Variants in CPQ observed in about 807,000 individuals in gnomAD.
The protein encoded by CPQ is carboxypeptidase Q.
CPQ carries 37 observed loss-of-function variants against 45.7 expected under a neutral mutation model. That is an observed-to-expected ratio of 0.81 (90% CI 0.62 to 1.07). CPQ has a LOEUF of 1.07. Among genes scored for constraint, CPQ ranks in the 50% least tolerant of loss-of-function variants. The probability of loss-of-function intolerance (pLI) is 0.00; values close to 1 mark genes in which losing one functional copy is unlikely to be tolerated. For synonymous variants in CPQ, 186 were observed against 205.8 expected (o/e 0.90, Z 0.82); for missense variants, 537 against 572.9 (o/e 0.94, Z 0.64).
intron 6 of CPQ, among the ~76,000 whole-genome samples, chr8:97,059,616 A>G (rs898338981): frequency 1.3e-5 from 2 of 152,286 alleles, no homozygotes; most frequent in South Asian, 4.1e-4. Context: ...TTCTTTACCT[A>G]TCATCCAATC....
intron 7 of CPQ, among the ~76,000 whole-genome samples, chr8:97,069,739 T>C (rs1055144763): frequency 4.6e-5 from 7 of 152,076 alleles, no homozygotes; most frequent in African/African-American, 1.7e-4. Flanking sequence ...TTTTCTTTCT[T>C]TTTTTCTTTC....
chr8:96,945,182 C>G (rs549602692), intron 4 of CPQ, among the ~76,000 whole-genome samples: 3 of 152,188 alleles, frequency 2.0e-5, no homozygotes, highest in Non-Finnish European at 4.4e-5. Flanking sequence ...GCCATGGGCC[C>G]TGCTCTCCTG....
chr8:96,966,120 T>A, intron 5 of CPQ, 74 bp downstream of exon 5: 1 of 1,033,808 alleles, frequency 9.7e-7, no homozygotes, highest in Non-Finnish European at 1.5e-6. Context: ...ACAAAATACT[T>A]AACAGATTAG....
rs141157046 is a variant in CPQ at position 96,867,753 on chromosome 8, CA to C, written c.642-12044del. ...ACATGTTTTAATCACTTTCTTGTGG[CA>C]TTAAATATTCTTCAAAATATGTTTT... On this transcript the variant is annotated intron_variant, in intron 3 of 7. Transcript: ENST00000220763. Among the ~76,000 whole-genome samples the C allele has an allele frequency of 3.3e-4, 50 of 152,100 alleles. No individual in the cohort carries two copies. In the East Asian group the frequency reaches 8.9e-3, roughly 27 times the overall value.
intron 6 of CPQ, among the ~76,000 whole-genome samples, chr8:97,050,823 C>A (rs1382987949): frequency 6.6e-6 from 1 of 152,122 alleles, no homozygotes; most frequent in East Asian, 1.9e-4. Flanking sequence ...AGTTTCCTGG[C>A]CTACATAGCA....
intron 1 of CPQ, among the ~76,000 whole-genome samples, chr8:96,654,926 C>T (rs1226772581): frequency 6.7e-6 from 1 of 148,742 alleles, no homozygotes; most frequent in African/African-American, 2.5e-5. Context: ...AATAAATGTC[C>T]TTTGTGGCTT....
intron 2 of CPQ, among the ~76,000 whole-genome samples, chr8:96,805,694 G>A (rs530333576): frequency 2.6e-5 from 4 of 151,832 alleles, no homozygotes; most frequent in South Asian, 4.2e-4. Context: ...AATAATAATC[G>A]CTGAGTCAGA....
chr8:96,749,183 T>C (rs2130784410), intron 1 of CPQ, among the ~76,000 whole-genome samples: 1 of 152,356 alleles, frequency 6.6e-6, no homozygotes, highest in East Asian at 1.9e-4. Context: ...GACTAAGATA[T>C]TTGTTCCTTA....
chr8:97,041,107 TA>T (rs1322614619), intron 6 of CPQ, among the ~76,000 whole-genome samples: 2 of 152,392 alleles, frequency 1.3e-5, no homozygotes, highest in East Asian at 3.9e-4. Flanking sequence ...TGATTCTTCC[TA>T]CCCATGAGCA....
At chr8:97,099,115 CTTTTTTTTTTT>C (rs34830752) in intron 7 of CPQ, among the ~76,000 whole-genome samples, 3 of 66,316 alleles carry the variant, frequency 4.5e-5, no homozygotes, top group African/African-American at 6.2e-5. Flanking sequence ...CCTTCTCTCT[CTTTTTTTTTTT>C]TTTTTTTTTT....
At chr8:96,720,315 G>A (rs1809745929) in intron 1 of CPQ, among the ~76,000 whole-genome samples, 1 of 151,816 alleles carries the variant, frequency 6.6e-6, no homozygotes, top group Non-Finnish European at 1.5e-5. Context: ...TTTTCTTTGT[G>A]GATCTAGTCA....
intron 6 of CPQ, among the ~76,000 whole-genome samples, chr8:97,044,383 G>T (rs549941051): frequency 2.0e-5 from 3 of 152,008 alleles, no homozygotes; most frequent in East Asian, 1.9e-4. Flanking sequence ...TTATACATTC[G>T]TCTAAATTTT....
chr8:97,073,906 TC>T (rs372123300), intron 7 of CPQ, among the ~76,000 whole-genome samples: 42 of 152,322 alleles, frequency 2.8e-4, no homozygotes, highest in Admixed American at 5.9e-4. Flanking sequence ...GTGTATGACA[TC>T]CTCATCAATA....
At chr8:96,992,156 G>A (rs1021591866) in intron 5 of CPQ, among the ~76,000 whole-genome samples, 6 of 152,164 alleles carry the variant, frequency 3.9e-5, no homozygotes, top group African/African-American at 1.4e-4. Flanking sequence ...GGTTTTTGAT[G>A]TATGAGTATT....
At chr8:96,806,858 G>T (rs1369563750) in intron 2 of CPQ, among the ~76,000 whole-genome samples, 1 of 152,080 alleles carries the variant, frequency 6.6e-6, no homozygotes, top group Admixed American at 6.5e-5. Context: ...GTTAAAAAAT[G>T]ACAGCAAAAA....
Position 96,865,350 on chromosome 8 carries a change from A to G in CPQ, c.642-14448A>G, listed in dbSNP as rs571860207. Among the ~76,000 whole-genome samples, 711 of 152,086 alleles carry G rather than the reference A, an allele frequency of 4.7e-3. 7 individuals carry two copies. The highest frequency in any genetic ancestry group is 0.016 in the African/African-American group (679 of 41,512). Reference sequence around the variant, plus strand: ...GAGAGGCGGGTGTTGAGATTAAACCACCACAGTGGGCTGTCTCTGTCTTAG... The same window carrying G: ...GAGAGGCGGGTGTTGAGATTAAACCGCCACAGTGGGCTGTCTCTGTCTTAG... On this transcript the variant is annotated intron_variant, in intron 3 of 7. Transcript: ENST00000220763.
intron 5 of CPQ, among the ~76,000 whole-genome samples, chr8:96,988,136 T>C (rs1352365156): frequency 6.6e-6 from 1 of 152,248 alleles, no homozygotes; most frequent in Non-Finnish European, 1.5e-5. Context: ...AGTTTTCTTA[T>C]GTTTATCTGT....
chr8:96,726,887 C>T (rs891170364), intron 1 of CPQ, among the ~76,000 whole-genome samples: 1 of 151,196 alleles, frequency 6.6e-6, no homozygotes, highest in Admixed American at 6.6e-5. Flanking sequence ...CAGATGTGAC[C>T]TCTTGACTTT....
chr8:96,663,762 TTGTGTGTG>T (rs1347156461), intron 1 of CPQ, among the ~76,000 whole-genome samples: 1 of 151,668 alleles, frequency 6.6e-6, no homozygotes, highest in Non-Finnish European at 1.5e-5. Context: ...AGGTGTGTGT[TTGTGTGTG>T]TGTGTGTCAT....
Sources: allele counts gnomAD v4.1 joint callset (sites outside exome capture counted in the v4.1 genomes callset), GRCh38; gene constraint gnomAD v4.1.1; transcripts MANE v1.5; gene names NCBI Gene and HGNC (gene_info 2026-07-23, HGNC 2026-07-21).